Variants in ADIPOR2 observed in about 807,000 individuals in gnomAD.
The protein encoded by ADIPOR2 is adiponectin receptor protein 2.
Under a neutral mutation model 40.9 loss-of-function variants are expected in ADIPOR2, and 18 were observed. The ratio of observed to expected loss-of-function variants is 0.44; its 90% confidence interval spans 0.30 to 0.65. The LOEUF is 0.65. Among genes scored for constraint, ADIPOR2 ranks in the 30% least tolerant of loss-of-function variants. ADIPOR2 has a pLI of 0.09. For missense variants in ADIPOR2, 283 were observed against 479.2 expected (o/e 0.59, Z 3.82); for synonymous variants, 165 against 166.4 (o/e 0.99, Z 0.06).
chr12:1,757,610 G>T, intron 2 of ADIPOR2: 1 of 1,248,896 alleles, frequency 8.0e-7, no homozygotes, highest in Non-Finnish European at 1.2e-6. Flanking sequence ...TGAGTCACCA[G>T]ATGAGGGATT....
At chr12:1,714,712 T>C (rs989392830) in intron 1 of ADIPOR2, among the ~76,000 whole-genome samples, 6 of 152,168 alleles carry the variant, frequency 3.9e-5, no homozygotes. Context: ...AATTTGTCCC[T>C]TTCTTCGACT....
At chr12:1,783,451 G>T (rs1862766891) in intron 6 of ADIPOR2, among the ~76,000 whole-genome samples, 1 of 151,086 alleles carries the variant, frequency 6.6e-6, no homozygotes, top group Admixed American at 6.6e-5. Flanking sequence ...CCAAGCTGGG[G>T]TGCAATGGCG....
At chr12:1,704,055 A>ATTTTTTTTTT (rs57190793) in intron 1 of ADIPOR2, among the ~76,000 whole-genome samples, 1 of 67,536 alleles carries the variant, frequency 1.5e-5, no homozygotes, top group Non-Finnish European at 2.8e-5. Flanking sequence ...TCTACCTGGA[A>ATTTTTTTTTT]TTTTTTTTTT....
chr12:1,691,843 T>G (rs1049763174), intron 1 of ADIPOR2, among the ~76,000 whole-genome samples: 1 of 152,120 alleles, frequency 6.6e-6, no homozygotes, highest in East Asian at 1.9e-4. Context: ...TGTTAGCTCT[T>G]TTTTCCTCCT....
In ADIPOR2 at chr12:1,781,053, C is replaced by G; in HGVS notation, c.815C>G (p.Pro272Arg). The G allele has an allele frequency of 6.2e-7, 1 of 1,609,626 alleles. No homozygotes were observed. Residue 272 changes from proline (P) to arginine (R), a missense_variant, in exon 6 of 8, where the codon CCT (proline) becomes CGT (arginine). By Grantham distance (103) the Pro-to-Arg change is moderately radical. This residue lies in a region of ADIPOR2 where 106 missense variants were observed against 149.7 expected (regional missense o/e 0.71). Coordinates refer to ENST00000357103, the MANE Select transcript of ADIPOR2 (RefSeq NM_024551.3). ...IVSQWDMFATPQYRGVRAGVF... is the reference protein window; with the variant it reads ...IVSQWDMFATRQYRGVRAGVF... ...TCCCAGTGGGACATGTTTGCCACCC[C>G]TCAGTATCGGGGAGTAAGAGCAGGT...
chr12:1,696,310 C>T, intron 1 of ADIPOR2: 1 of 167,110 alleles, frequency 6.0e-6, no homozygotes, highest in East Asian at 1.4e-4. Flanking sequence ...TCACCAGCAG[C>T]ACCCTCCTCC....
At chr12:1,709,774 C>A (rs1314290056) in intron 1 of ADIPOR2, among the ~76,000 whole-genome samples, 5 of 151,966 alleles carry the variant, frequency 3.3e-5, no homozygotes, top group Non-Finnish European at 7.4e-5. Context: ...GTAGAAAGTG[C>A]TTGAGTAGTA....
At chr12:1,730,858 T>G (rs1250842280) in intron 1 of ADIPOR2, 1 of 150,422 alleles carries the variant, frequency 6.6e-6, no homozygotes, top group African/African-American at 2.4e-5. Context: ...GAGAAGCAAG[T>G]TGAAACTGTA....
chr12:1,729,927 G>A (rs935378458), intron 1 of ADIPOR2, among the ~76,000 whole-genome samples: 3 of 152,102 alleles, frequency 2.0e-5, no homozygotes, highest in Non-Finnish European at 4.4e-5. Context: ...CAGCATAAGA[G>A]TGCACCCTAT....
intron 7 of ADIPOR2, among the ~76,000 whole-genome samples, 165 bp downstream of exon 7, chr12:1,784,238 A>G (rs1472546183): frequency 6.6e-6 from 1 of 152,244 alleles, no homozygotes; most frequent in Non-Finnish European, 1.5e-5. Context: ...AATAATAACT[A>G]ACATTTAGTG....
Position 1,777,871 on chromosome 12 carries a change from G to A in ADIPOR2, c.309G>A (p.Trp103Ter). The A allele has an allele frequency of 6.2e-7, 1 of 1,611,718 alleles. No homozygotes were observed. ...TCTGCCAGGTATGGGAAGGTCGGTGGCGAGTGATCCCTCATGATGTACTAC... is the reference window on the plus strand; with the variant it reads ...TCTGCCAGGTATGGGAAGGTCGGTGACGAGTGATCCCTCATGATGTACTAC... ...EFVCKVWEGR[W>*]RVIPHDVLPD... The change falls in exon 4 of 8, where the codon TGG becomes TGA. Residue 103 changes from tryptophan (W) to a stop codon, truncating the protein, a stop_gained. Coordinates refer to ENST00000357103, the MANE Select transcript of ADIPOR2 (RefSeq NM_024551.3). LOFTEE classifies it high-confidence loss of function.
intron 1 of ADIPOR2, among the ~76,000 whole-genome samples, chr12:1,711,107 T>G (rs1293829008): frequency 1.3e-5 from 2 of 152,116 alleles, no homozygotes; most frequent in Admixed American, 1.3e-4. Flanking sequence ...ATTCTTCCCC[T>G]AAGAAGGTGC....
intron 2 of ADIPOR2, among the ~76,000 whole-genome samples, chr12:1,760,530 A>C (rs930504104): frequency 6.6e-6 from 1 of 152,158 alleles, no homozygotes; most frequent in Non-Finnish European, 1.5e-5. Context: ...TTCTGTCTCT[A>C]TGGCTTTGTC....
At chr12:1,784,896 C>T (rs1862796622) in intron 7 of ADIPOR2, among the ~76,000 whole-genome samples, 1 of 152,214 alleles carries the variant, frequency 6.6e-6, no homozygotes, top group African/African-American at 2.4e-5. Context: ...CTGATGATCT[C>T]ATCTCTTTAA....
intron 1 of ADIPOR2, among the ~76,000 whole-genome samples, chr12:1,702,302 A>G (rs894814398): frequency 2.0e-5 from 3 of 152,190 alleles, no homozygotes; most frequent in Admixed American, 6.5e-5. Flanking sequence ...GAAGCCCTCT[A>G]TGGTGAATTA....
At chr12:1,718,432 G>A (rs1222512157) in intron 1 of ADIPOR2, among the ~76,000 whole-genome samples, 2 of 151,998 alleles carry the variant, frequency 1.3e-5, no homozygotes, top group African/African-American at 2.4e-5. Flanking sequence ...GTACTCTTTG[G>A]TGAGGTGACA....
chr12:1,701,421 C>T (rs2154441387), intron 1 of ADIPOR2, among the ~76,000 whole-genome samples: 1 of 152,244 alleles, frequency 6.6e-6, no homozygotes, highest in East Asian at 1.9e-4. Flanking sequence ...CACTCCTGGC[C>T]TGATCATTTT....
intron 2 of ADIPOR2, among the ~76,000 whole-genome samples, chr12:1,768,853 T>C (rs1337058854): frequency 1.3e-5 from 2 of 152,232 alleles, no homozygotes; most frequent in Non-Finnish European, 2.9e-5. Flanking sequence ...TCAAAATGTC[T>C]TTGTGCTCAT....
chr12:1,691,441 G>A (rs747780767), intron 1 of ADIPOR2, among the ~76,000 whole-genome samples: 20 of 152,310 alleles, frequency 1.3e-4, no homozygotes, highest in Non-Finnish European at 2.8e-4. Context: ...CGCTGTCGGA[G>A]GAGTCCGGCG....
Sources: gnomAD v4.1 joint callset for allele counts (sites outside exome capture counted in the v4.1 genomes callset) on GRCh38, gnomAD v4.1.1 for gene constraint, gnomAD v4.1.1 regional missense constraint, MANE v1.5 for transcripts, NCBI Gene and HGNC (gene_info 2026-07-23, HGNC 2026-07-21) for gene names.